ATXN10: variants seen among roughly 807,000 people sequenced by gnomAD.
The protein encoded by ATXN10 is ataxin 10, also known as ataxin-10.
ATXN10 carries 28 observed loss-of-function variants against 52.9 expected under a neutral mutation model. That is an observed-to-expected ratio of 0.53 (90% CI 0.39 to 0.73). The LOEUF (loss-of-function observed/expected upper bound fraction) is 0.73, where lower values mean the gene tolerates loss of function less well. ATXN10 is among the 30% of genes least tolerant of loss of function. The pLI, the probability that ATXN10 is intolerant of heterozygous loss-of-function variation, is 0.00. For synonymous variants in ATXN10, 226 were observed against 221.5 expected (o/e 1.02, Z -0.18); for missense variants, 565 against 577.0 (o/e 0.98, Z 0.21).
At chr22:45,813,612 T>C (rs1928360742) in intron 10 of ATXN10, among the ~76,000 whole-genome samples, 2 of 152,116 alleles carry the variant, frequency 1.3e-5, no homozygotes, top group Non-Finnish European at 2.9e-5. Flanking sequence ...ATCAGTCCTG[T>C]GGCCAGGCAG....
At chr22:45,710,112 T>C (rs1388013367) in intron 5 of ATXN10, among the ~76,000 whole-genome samples, 1 of 152,236 alleles carries the variant, frequency 6.6e-6, no homozygotes, top group Non-Finnish European at 1.5e-5. Flanking sequence ...GTAGCTGTTG[T>C]CACTCCTTGC....
rs1601625954 is a variant in ATXN10, at chr22:45,754,728, G to T, written c.1173+14190G>T. Among the ~76,000 whole-genome samples, 1 of 152,344 alleles carries T rather than the reference G, an allele frequency of 6.6e-6. No individual in the cohort carries two copies. On this transcript the variant is annotated intron_variant, in intron 9 of 11. Coordinates refer to ENST00000252934, the MANE Select transcript of ATXN10 (RefSeq NM_013236.4). This position sits in a 1 kb window ranked among gnomAD's most constrained non-coding sequence, Gnocchi z 5.4. ...AAATTAGCCAGATATGGTGGCTCAT[G>T]CCTGTAGTCCCAGCTACTTGGGAGG...
intron 10 of ATXN10, among the ~76,000 whole-genome samples, chr22:45,822,155 A>G (rs1418522752): frequency 6.6e-6 from 1 of 152,192 alleles, no homozygotes; most frequent in Admixed American, 6.5e-5. Context: ...TGTTTGGTCT[A>G]TTTTATAGCA....
At chr22:45,830,399 A>G (rs1281295383) in intron 10 of ATXN10, among the ~76,000 whole-genome samples, 1 of 152,268 alleles carries the variant, frequency 6.6e-6, no homozygotes, top group Non-Finnish European at 1.5e-5. Flanking sequence ...GAGTGAAAGA[A>G]TCATTCAACA....
At position 45,774,671 on chromosome 22, in the gene ATXN10, G is replaced by A. The variant is rs906917042; in HGVS notation, c.1174-32288G>A. On this transcript the variant is annotated intron_variant, in intron 9 of 11. Coordinates refer to ENST00000252934, the MANE Select transcript of ATXN10 (RefSeq NM_013236.4). The surrounding 1 kb of genome is among the most constrained non-coding windows in gnomAD (Gnocchi z 6.2). The stretch of plus-strand genomic sequence containing the variant: ...AGGGGGGCTGGACGCGGTGGCTCAC[G>A]CTTATAATCCTAGCACTTTGGGAGG... 6.6e-6 allele frequency among the ~76,000 whole-genome samples: 1 copy of A among 152,092 alleles called. No homozygotes were observed. The highest frequency in any genetic ancestry group is 1.9e-4 in the East Asian group (1 of 5,154).
In ATXN10 at chr22:45,727,331, ATATCTATCTATCTATCTATCTATC is replaced by A. The variant is rs71315146; in HGVS notation, c.729-2072_729-2049del. 1.4e-5 allele frequency among the ~76,000 whole-genome samples: 2 copies of A among 146,678 alleles called. No individual in the cohort carries two copies. Among genetic ancestry groups the A allele is most frequent in the South Asian group, 4.5e-4 (2 of 4,474 alleles). On this transcript the variant is annotated intron_variant, in intron 6 of 11. Coordinates refer to ENST00000252934, the MANE Select transcript of ATXN10 (RefSeq NM_013236.4). This position sits in a 1 kb window ranked among gnomAD's most constrained non-coding sequence, Gnocchi z 4.6. ...GTTCTGTCTGTCTGTCTATCTATCT[ATATCTATCTATCTATCTATCTATC>A]TATCTATCTATCTATCTATCTGAGA... is the stretch of plus-strand genomic sequence containing the variant.
chr22:45,806,864 A>AT (rs912317798), intron 9 of ATXN10, 95 bp from the exon 10 acceptor site: 2 of 949,624 alleles, frequency 2.1e-6, no homozygotes, highest in Non-Finnish European at 1.7e-6. Context: ...ATATTATAAC[A>AT]TTGAGTAAGA....
chr22:45,732,519 A>G lies in ATXN10; in HGVS notation c.894+2929A>G, dbSNP rs1925127735. ...CAAAGCCAAATTAATTTACTTTTGG[A>G]AGTTTATTGAGCTATACATTTATGA... On this transcript the variant is annotated intron_variant, in intron 7 of 11. Coordinates refer to ENST00000252934, the MANE Select transcript of ATXN10 (RefSeq NM_013236.4). The surrounding 1 kb of genome is among the most constrained non-coding windows in gnomAD (Gnocchi z 4.5). Among the ~76,000 whole-genome samples, 1 of 151,954 alleles carries G rather than the reference A, an allele frequency of 6.6e-6. No homozygotes were observed. The highest frequency in any genetic ancestry group is 1.5e-5 in the Non-Finnish European group (1 of 67,960).
chr22:45,686,893 G>T (rs906670951), intron 1 of ATXN10, among the ~76,000 whole-genome samples: 2 of 152,044 alleles, frequency 1.3e-5, no homozygotes, highest in Admixed American at 6.5e-5. Context: ...ACTTTCTTCT[G>T]GTGGTGAGAT....
In ATXN10 at chr22:45,759,043, C is replaced by T. The variant is rs187281042; in HGVS notation, c.1173+18505C>T. Among the ~76,000 whole-genome samples the T allele has an allele frequency of 8.5e-5, 13 of 152,262 alleles. No individual in the cohort carries two copies. The East Asian group carries it at 2.3e-3, about 27-fold the overall frequency. ...TAGAAGTACCATTCTTATTTAAAGG[C>T]AGTATATCTCATATCTTTAAAGATA... is the stretch of plus-strand genomic sequence containing the variant. On this transcript the variant is annotated intron_variant, in intron 9 of 11. Coordinates refer to ENST00000252934, the MANE Select transcript of ATXN10 (RefSeq NM_013236.4). The surrounding 1 kb of genome is among the most constrained non-coding windows in gnomAD (Gnocchi z 5.4).
intron 6 of ATXN10, among the ~76,000 whole-genome samples, chr22:45,719,752 A>ATTGATAAAGTTGTATCAGAAC (rs1459825337): frequency 6.6e-6 from 1 of 152,194 alleles, no homozygotes; most frequent in Non-Finnish European, 1.5e-5. Flanking sequence ...GTGCATCCTT[A>ATTGATAAAGTTGTATCAGAAC]CTTCATTCAA....
At chr22:45,834,795 T>A (rs1197431120) in intron 10 of ATXN10, among the ~76,000 whole-genome samples, 1 of 152,206 alleles carries the variant, frequency 6.6e-6, no homozygotes, top group African/African-American at 2.4e-5. Flanking sequence ...GGCCTGAATG[T>A]CTGCGGTGTG....
intron 3 of ATXN10, among the ~76,000 whole-genome samples, chr22:45,697,355 G>A (rs182168929): frequency 1.2e-4 from 19 of 152,042 alleles, no homozygotes; most frequent in African/African-American, 3.6e-4. Flanking sequence ...GGCTGGTCTC[G>A]AACTCCTGAC....
In ATXN10 at chr22:45,733,302, C is replaced by CA. The variant is rs1925158214; in HGVS notation, c.894+3713dup. Among the ~76,000 whole-genome samples the CA allele has an allele frequency of 6.6e-6, 1 of 152,200 alleles. No individual in the cohort carries two copies. The highest frequency in any genetic ancestry group is 1.5e-5 in the Non-Finnish European group (1 of 68,050). On this transcript the variant is annotated intron_variant, in intron 7 of 11. Transcript: ENST00000252934. This position sits in a 1 kb window ranked among gnomAD's most constrained non-coding sequence, Gnocchi z 4.4. ...GCAGTAGGTATTACATATTTAATTA[C>CA]ATAATACATATTTAATACATATTCT...
chr22:45,704,072 C>A (rs961578094), intron 5 of ATXN10: 1 of 151,008 alleles, frequency 6.6e-6, no homozygotes, highest in South Asian at 2.1e-4. Flanking sequence ...TCTGAAGATA[C>A]AAGTGTTAGT....
intron 1 of ATXN10, among the ~76,000 whole-genome samples, chr22:45,682,291 T>G (rs1212249949): frequency 6.6e-6 from 1 of 152,042 alleles, no homozygotes; most frequent in Non-Finnish European, 1.5e-5. Context: ...CGTTTGCTGG[T>G]GACTAACATT....
chr22:45,844,907 T>C lies in ATXN10; in HGVS notation c.*1236T>C, dbSNP rs577411697. 6.6e-6 allele frequency: 1 copy of C among 152,246 alleles called. No individual in the cohort carries two copies. Among genetic ancestry groups the C allele is most frequent in the Non-Finnish European group, 1.5e-5 (1 of 68,036 alleles). The allele number at this position is 152,246 out of a possible 1,614,324, so 9.4% of individuals were successfully genotyped here. A position where few individuals can be genotyped will look rare whatever the true frequency, so the allele number is the denominator to read the frequency against. On this transcript the variant is annotated 3_prime_UTR_variant, in exon 12 of 12. Transcript: ENST00000252934. ...CTGATTTGTAAAAATAGCTTAAGCA[T>C]GTTGAGAATGAAGTAAAAGTTTTCC...
At position 45,774,223 on chromosome 22, in the gene ATXN10, G is replaced by A. The variant is rs368732439; in HGVS notation, c.1174-32736G>A. ...CACCTGCCTCCTACTTGGCATTTCT[G>A]CTGGGGGAGTTTTTGGCCTCCATAA... On this transcript the variant is annotated intron_variant, in intron 9 of 11. Coordinates refer to ENST00000252934, the MANE Select transcript of ATXN10 (RefSeq NM_013236.4). This position sits in a 1 kb window ranked among gnomAD's most constrained non-coding sequence, Gnocchi z 6.2. 7.2e-5 allele frequency among the ~76,000 whole-genome samples: 11 copies of A among 152,348 alleles called. No homozygotes were observed. In the South Asian group the frequency reaches 1.9e-3, roughly 26 times the overall value.
At position 45,842,912 on chromosome 22, in the gene ATXN10, C is replaced by G. The variant is rs977683003; in HGVS notation, c.1238-79C>G. 61 of 1,481,848 alleles carry G rather than the reference C, an allele frequency of 4.1e-5. No homozygotes were observed. In the Admixed American group the frequency reaches 7.6e-4, roughly 18 times the overall value. The allele number at this position is 1,481,848 out of a possible 1,614,324, so 91.8% of individuals were successfully genotyped here. Reference sequence around the variant, plus strand: ...GGATGTTCCGTGTTTCTGTGCTCCTCTACTCCTTTTCTGATAATTCTTATG... The same window carrying G: ...GGATGTTCCGTGTTTCTGTGCTCCTGTACTCCTTTTCTGATAATTCTTATG... On this transcript the variant is annotated intron_variant, in intron 10 of 11. Coordinates refer to ENST00000252934, the MANE Select transcript of ATXN10 (RefSeq NM_013236.4). This position sits in a 1 kb window ranked among gnomAD's most constrained non-coding sequence, Gnocchi z 4.8.
Sources: allele counts gnomAD v4.1 joint callset (sites outside exome capture counted in the v4.1 genomes callset), GRCh38; gene constraint gnomAD v4.1.1; non-coding constraint Gnocchi (gnomAD v3.1); transcripts MANE v1.5; gene names NCBI Gene and HGNC (gene_info 2026-07-23, HGNC 2026-07-21).